The following PCDHA2 variants were observed in gnomAD, a reference collection of about 807,000 sequenced individuals.
PCDHA2 encodes protocadherin alpha-2.
In PCDHA2, 58 loss-of-function variants were observed where a neutral mutation model predicts 66.0. That is an observed-to-expected ratio of 0.88 (90% CI 0.71 to 1.09). PCDHA2 has a LOEUF of 1.09. Ranked by LOEUF, PCDHA2 falls within the 50% of genes least tolerant of loss-of-function variation. The pLI is 0.00. For missense variants in PCDHA2, 1,267 were observed against 1,242.3 expected, an observed-to-expected ratio of 1.02 and a Z score of -0.30; for synonymous variants, 634 against 554.0, an observed-to-expected ratio of 1.14 and a Z score of -2.03.
At chr5:140,808,225 T>C (rs535812009) in intron 1 of PCDHA2, 2 of 1,614,252 alleles carry the variant, frequency 1.2e-6, no homozygotes, top group South Asian at 2.2e-5. Context: ...ACAACGATAA[T>C]GTCCCAGATT....
intron 3 of PCDHA2, among the ~76,000 whole-genome samples, chr5:140,993,468 A>T (rs1327306188): frequency 7.2e-5 from 5 of 69,412 alleles, no homozygotes; most frequent in Non-Finnish European, 1.2e-4. Flanking sequence ...TTTCTCACAC[A>T]CACACACACA....
rs1554122186 is a variant in PCDHA2 at position 140,802,524 on chromosome 5, G to A, written c.2388+5172G>A. The A allele has an allele frequency of 4.3e-6, 7 of 1,614,180 alleles. No individual in the cohort carries two copies. Among genetic ancestry groups the A allele is most frequent in the South Asian group, 1.1e-5 (1 of 91,080 alleles). Reference sequence around the variant, plus strand: ...ACTGTGGGCCACGGCCAGCGTGTCCGTGGAGGTGGCCGACGTGAACGACAA... The same window carrying A: ...ACTGTGGGCCACGGCCAGCGTGTCCATGGAGGTGGCCGACGTGAACGACAA... On this transcript the variant is annotated intron_variant, in intron 1 of 3. Coordinates refer to ENST00000526136, the MANE Select transcript of PCDHA2 (RefSeq NM_018905.3).
intron 1 of PCDHA2, among the ~76,000 whole-genome samples, chr5:140,936,540 G>A (rs1320380132): frequency 6.6e-6 from 1 of 152,174 alleles, no homozygotes; most frequent in East Asian, 1.9e-4. Context: ...TGAATATAGT[G>A]CAATGTAGAA....
At chr5:140,830,049 AC>A in intron 1 of PCDHA2, 1 of 1,613,626 alleles carries the variant, frequency 6.2e-7, no homozygotes, top group Non-Finnish European at 8.5e-7. Flanking sequence ...CTGGTGAAAG[AC>A]CACGGTGAGC....
At chr5:140,956,890 G>T (rs2095318198) in intron 1 of PCDHA2, among the ~76,000 whole-genome samples, 3 of 152,136 alleles carry the variant, frequency 2.0e-5, no homozygotes, top group Non-Finnish European at 4.4e-5. Context: ...ATCAATGAAT[G>T]AATATTCTTA....
chr5:140,877,262 T>C (rs1554169532), intron 1 of PCDHA2: 2 of 1,613,670 alleles, frequency 1.2e-6, no homozygotes, highest in South Asian at 2.2e-5. Flanking sequence ...GTGCGCGCGG[T>C]GGACGCTGAC....
At position 140,931,063 on chromosome 5, in the gene PCDHA2, A is replaced by C. The variant is rs1584700470; in HGVS notation, c.2389-47886A>C. Among the ~76,000 whole-genome samples, 4 of 152,202 alleles carry C rather than the reference A, an allele frequency of 2.6e-5. No individual in the cohort carries two copies. In the South Asian group the frequency reaches 8.3e-4, roughly 31 times the overall value. On this transcript the variant is annotated intron_variant, in intron 1 of 3. Coordinates refer to ENST00000526136, the MANE Select transcript of PCDHA2 (RefSeq NM_018905.3). ...GAAAAACTTCAATGCTGTGTCTGGGACTAAGTATGAGTCCAGTTCTACAGA... is the reference window on the plus strand; with the variant it reads ...GAAAAACTTCAATGCTGTGTCTGGGCCTAAGTATGAGTCCAGTTCTACAGA...
chr5:140,861,346 C>T (rs2046871504), intron 1 of PCDHA2: 2 of 294,962 alleles, frequency 6.8e-6, no homozygotes, highest in South Asian at 3.7e-5. Context: ...AGGCCAAGGA[C>T]GGCACATAGC....
chr5:140,830,377 G>A, intron 1 of PCDHA2: 2 of 1,614,174 alleles, frequency 1.2e-6, no homozygotes, highest in South Asian at 1.1e-5. Flanking sequence ...GCTCCGGGGA[G>A]GGCCCACCCA....
At chr5:140,817,315 G>C (rs1016861865) in intron 1 of PCDHA2, 2 of 152,230 alleles carry the variant, frequency 1.3e-5, no homozygotes, top group African/African-American at 4.8e-5. Flanking sequence ...CCCCAGAAAA[G>C]TGCCCAGCTA....
At chr5:140,870,273 C>G (rs1307506968) in intron 1 of PCDHA2, 3 of 1,614,192 alleles carry the variant, frequency 1.9e-6, no homozygotes, top group South Asian at 2.2e-5. Flanking sequence ...CGCTGACGCC[C>G]CACGTTCCCT....
chr5:140,933,762 T>C (rs2089409260), intron 1 of PCDHA2, among the ~76,000 whole-genome samples: 1 of 152,128 alleles, frequency 6.6e-6, no homozygotes, highest in African/African-American at 2.4e-5. Flanking sequence ...AGTGAAGCTC[T>C]CTGTACCTAC....
chr5:140,937,717 C>G (rs868958316), intron 1 of PCDHA2, among the ~76,000 whole-genome samples: 34 of 151,858 alleles, frequency 2.2e-4, no homozygotes, highest in African/African-American at 8.2e-4. Flanking sequence ...TCAAGACCAT[C>G]CTGGCTAACA....
At chr5:140,935,073 A>G (rs77827614) in intron 1 of PCDHA2, among the ~76,000 whole-genome samples, 63 of 152,260 alleles carry the variant, frequency 4.1e-4, no homozygotes, top group African/African-American at 1.3e-3. Context: ...ATTATCTTGT[A>G]CATTTCCTTT....
intron 1 of PCDHA2, chr5:140,823,211 G>T (rs2150123519): frequency 1.2e-6 from 2 of 1,613,796 alleles, no homozygotes; most frequent in Non-Finnish European, 1.7e-6. Flanking sequence ...GTGTCTGCAC[G>T]GGACGCGGAC....
At chr5:140,997,615 T>C (rs900460811) in intron 3 of PCDHA2, among the ~76,000 whole-genome samples, 5 of 152,096 alleles carry the variant, frequency 3.3e-5, no homozygotes, top group Non-Finnish European at 7.3e-5. Context: ...CATGACTATA[T>C]AGAGATTTTC....
chr5:140,928,262 A>G, intron 1 of PCDHA2: 1 of 1,614,214 alleles, frequency 6.2e-7, no homozygotes, highest in Non-Finnish European at 8.5e-7. Flanking sequence ...GTTGCTGAAA[A>G]CAATGGCCCT....
At chr5:140,815,129 AAAATC>A (rs1554126683) in intron 1 of PCDHA2, 1 of 152,170 alleles carries the variant, frequency 6.6e-6, no homozygotes, top group African/African-American at 2.4e-5. Flanking sequence ...GTCTTTAAAA[AAAATC>A]AATTCAACCA....
Position 140,927,828 on chromosome 5 carries a change from G to A in PCDHA2, c.2389-51121G>A, listed in dbSNP as rs782244639. The A allele has an allele frequency of 7.4e-6, 12 of 1,614,074 alleles. No individual in the cohort carries two copies. The South Asian group carries it at 9.9e-5, about 13-fold the overall frequency. On this transcript the variant is annotated intron_variant, in intron 1 of 3. Coordinates refer to ENST00000526136, the MANE Select transcript of PCDHA2 (RefSeq NM_018905.3). ...CGCTCTTGGAGGCATACATTGAGGC[G>A]AGGGACGAAGGTGTCTTTGGTTTAG...
Sources: gnomAD v4.1 joint callset for allele counts (sites outside exome capture counted in the v4.1 genomes callset) on GRCh38, gnomAD v4.1.1 for gene constraint, MANE v1.5 for transcripts, NCBI Gene and HGNC (gene_info 2026-07-23, HGNC 2026-07-21) for gene names.